The following HERC5 variants were observed in gnomAD, a reference collection of about 807,000 sequenced individuals.
HERC5 encodes the protein HECT and RLD domain containing E3 ubiquitin protein ligase 5, also known as E3 ISG15--protein ligase HERC5.
Under a neutral mutation model 119.6 loss-of-function variants are expected in HERC5, and 99 were observed. The observed-to-expected ratio is 0.83, with a 90% CI of 0.70 to 0.98. The LOEUF (loss-of-function observed/expected upper bound fraction) is 0.98. Among genes scored for constraint, HERC5 ranks in the 50% least tolerant of loss-of-function variants. HERC5 has a pLI of 0.00. For missense variants in HERC5, 1,267 were observed against 1,241.3 expected (o/e 1.02, Z -0.31); for synonymous variants, 478 against 445.9 (o/e 1.07, Z -0.91).
In HERC5 at chr4:88,460,466, G is replaced by A. The variant is rs186027145; in HGVS notation, c.466+295G>A. ...ACTGTTTTCTCTACATCTGATCCAG[G>A]CCTGGGGCCACCCTTTTCCAGAAAC... is the stretch of plus-strand genomic sequence containing the variant. On this transcript the variant is annotated intron_variant, in intron 3 of 22. Transcript: ENST00000264350. 4.0e-3 allele frequency among the ~76,000 whole-genome samples: 608 copies of A among 152,230 alleles called. 1 individual carries two copies. Among genetic ancestry groups the A allele is most frequent in the African/African-American group, 0.014 (594 of 41,512 alleles).
intron 17 of HERC5, among the ~76,000 whole-genome samples, chr4:88,493,659 T>G (rs1039037656): frequency 5.9e-5 from 9 of 152,046 alleles, no homozygotes; most frequent in Non-Finnish European, 1.0e-4. Context: ...CAGGCTGGAG[T>G]ACAGTGCCAT....
At position 88,457,170 on chromosome 4, in the gene HERC5, C is replaced by T. The variant is rs564612502; in HGVS notation, c.-100C>T. ...GCCACGCAGCTGCGCGCAGCTGGTT[C>T]CCGCTCTGCAGCGCAACGCCTGAGG... is the stretch of plus-strand genomic sequence containing the variant. On this transcript the variant is annotated 5_prime_UTR_variant, in exon 1 of 23. Coordinates refer to ENST00000264350, the MANE Select transcript of HERC5 (RefSeq NM_016323.4). 71 of 1,235,882 alleles carry T rather than the reference C, an allele frequency of 5.7e-5. No individual in the cohort carries two copies. The African/African-American group carries it at 8.7e-4, about 15-fold the overall frequency. 76.6% of individuals were successfully genotyped at this position (1,235,882 alleles called of 1,614,324 possible).
chr4:88,493,894 G>A (rs1238654828), intron 17 of HERC5, among the ~76,000 whole-genome samples: 8 of 151,302 alleles, frequency 5.3e-5, no homozygotes, highest in Middle Eastern at 3.4e-3. Flanking sequence ...GATTACAAGC[G>A]TGAGAGTGGC....
At chr4:88,465,415 CTAGCATGAATACT>C (rs1740626725) in intron 6 of HERC5, among the ~76,000 whole-genome samples, 1 of 152,198 alleles carries the variant, frequency 6.6e-6, no homozygotes, top group Admixed American at 6.5e-5. Flanking sequence ...TTATAAAAAA[CTAGCATGAATACT>C]TTCAGTCTGT....
At chr4:88,474,115 C>T (rs1578049195) in intron 11 of HERC5, among the ~76,000 whole-genome samples, 1 of 152,308 alleles carries the variant, frequency 6.6e-6, no homozygotes, top group South Asian at 2.1e-4. Flanking sequence ...ACTCCCTGTG[C>T]TTTAGAAGCT....
At chr4:88,493,343 T>A (rs780262227) in intron 17 of HERC5, among the ~76,000 whole-genome samples, 188 bp downstream of exon 17, 11 of 152,342 alleles carry the variant, frequency 7.2e-5, no homozygotes, top group Non-Finnish European at 1.6e-4. Flanking sequence ...TGGGTTCCCA[T>A]GTCTGTTCAC....
chr4:88,467,148 G>C lies in HERC5; in HGVS notation c.1001G>C (p.Arg334Pro). 6.2e-7 allele frequency: 1 copy of C among 1,614,162 alleles called. No individual in the cohort carries two copies. Among genetic ancestry groups the C allele is most frequent in the Non-Finnish European group, 8.5e-7 (1 of 1,180,018 alleles). Residue 334 changes from arginine (R) to proline (P), a missense_variant, in exon 7 of 23, where the codon CGT (arginine) becomes CCT (proline). Arg to Pro is a moderately radical substitution (Grantham distance 103). Coordinates refer to ENST00000264350, the MANE Select transcript of HERC5 (RefSeq NM_016323.4). ...KDGQLGNGGTRDQLMPLPVKV... is the reference protein window; with the variant it reads ...KDGQLGNGGTPDQLMPLPVKV... ...GGACAACTGGGAAATGGTGGAACACGTGACCAGCTGATGCCGCTTCCAGTG... is the reference window on the plus strand; with the variant it reads ...GGACAACTGGGAAATGGTGGAACACCTGACCAGCTGATGCCGCTTCCAGTG...
Position 88,476,009 on chromosome 4 carries a change from G to C in HERC5, c.1561G>C (p.Asp521His). The change falls in exon 12 of 23, where the codon GAC becomes CAC. Residue 521 changes from aspartate to histidine, a missense_variant. Coordinates refer to ENST00000264350, the MANE Select transcript of HERC5 (RefSeq NM_016323.4). ...PFAKVVCKMS[D>H]QSSLVLEEYW... is the part of the protein sequence containing the mutation. Reference sequence around the variant, plus strand: ...TGCAAAGGTTGTTTGTAAAATGAGTGACCAGTCTTCACTGGTTCTGGGTAA... The same window carrying C: ...TGCAAAGGTTGTTTGTAAAATGAGTCACCAGTCTTCACTGGTTCTGGGTAA... The C allele has an allele frequency of 6.2e-7, 1 of 1,613,726 alleles. No individual in the cohort carries two copies. Among genetic ancestry groups the C allele is most frequent in the Non-Finnish European group, 8.5e-7 (1 of 1,179,920 alleles).
intron 13 of HERC5, among the ~76,000 whole-genome samples, chr4:88,482,396 G>A (rs1473684604): frequency 6.6e-6 from 1 of 151,716 alleles, no homozygotes; most frequent in Non-Finnish European, 1.5e-5. Context: ...CCTTGATTTT[G>A]TCCCCACACC....
chr4:88,487,208 A>G (rs775002121), intron 15 of HERC5, 29 bp downstream of exon 15: 1 of 1,239,218 alleles, frequency 8.1e-7, no homozygotes, highest in Non-Finnish European at 1.2e-6. Flanking sequence ...CTTCATTAGC[A>G]TAAATCACAT....
Position 88,459,418 on chromosome 4 carries a change from T to A in HERC5, c.337T>A (p.Ser113Thr). Residue 113 changes from serine (S) to threonine (T), a missense_variant, in exon 2 of 23, where the codon TCA becomes ACA. Ser to Thr is a moderately conservative substitution (Grantham distance 58). Around this residue, in one of 3 missense-constraint regions of HERC5, gnomAD observed 777 missense variants for 758.0 expected, o/e 1.03. Transcript: ENST00000264350. Reference sequence around the variant, plus strand: ...AGGAGCAGAGCACATGCTGATTCTCTCATCAGATGGAAAACCATTTGAGTA... The same window carrying A: ...AGGAGCAGAGCACATGCTGATTCTCACATCAGATGGAAAACCATTTGAGTA... Reference protein sequence around the residue: ...DQGAEHMLILSSDGKPFEYDN... With the variant: ...DQGAEHMLILTSDGKPFEYDN... 6.3e-7 allele frequency: 1 copy of A among 1,595,758 alleles called. No individual in the cohort carries two copies. The highest frequency in any genetic ancestry group is 1.1e-5 in the South Asian group (1 of 87,460).
At chr4:88,478,344 A>G (rs545170326) in intron 12 of HERC5, among the ~76,000 whole-genome samples, 1 of 152,160 alleles carries the variant, frequency 6.6e-6, no homozygotes, top group Non-Finnish European at 1.5e-5. Flanking sequence ...ACCTTCAACA[A>G]TCTAAGTAAA....
chr4:88,499,793 A>C, intron 18 of HERC5, 133 bp from the exon 19 acceptor site: 1 of 597,444 alleles, frequency 1.7e-6, no homozygotes, highest in Non-Finnish European at 3.0e-6. Context: ...ATCAGTACGC[A>C]GAGAAAGAGG....
intron 13 of HERC5, among the ~76,000 whole-genome samples, chr4:88,482,627 A>C (rs1158185822): frequency 1.3e-5 from 2 of 152,144 alleles, no homozygotes; most frequent in African/African-American, 4.8e-5. Flanking sequence ...TATGCAGCCC[A>C]ATCTAGAAGG....
In HERC5 at chr4:88,487,240, G is replaced by C. The variant is rs935305576; in HGVS notation, c.1962+61G>C. The stretch of plus-strand genomic sequence containing the variant: ...ACATGCTAAGCGCCTTCTTAATCAT[G>C]CAGTATTTTGGGGGTGATAAGAGAA... On this transcript the variant is annotated intron_variant, in intron 15 of 22. Transcript: ENST00000264350. The C allele has an allele frequency of 8.5e-6, 8 of 936,338 alleles. No individual in the cohort carries two copies. The African/African-American group carries it at 1.3e-4, about 15-fold the overall frequency. The allele number at this position is 936,338 out of a possible 1,614,324, so 58.0% of individuals were successfully genotyped here.
chr4:88,488,324 TGGGTTCAAGC>T (rs1162710822), intron 15 of HERC5, among the ~76,000 whole-genome samples: 2 of 151,302 alleles, frequency 1.3e-5, no homozygotes, highest in Non-Finnish European at 2.9e-5. Flanking sequence ...CTCCACTTCC[TGGGTTCAAGC>T]GATTCTCCTG....
At chr4:88,500,087 A>T (rs996914159) in intron 19 of HERC5, 95 bp downstream of exon 19, 2 of 760,714 alleles carry the variant, frequency 2.6e-6, no homozygotes, top group Non-Finnish European at 4.3e-6. Flanking sequence ...TAAAAAAAAA[A>T]CCTGAATAAA....
chr4:88,499,825 T>G, intron 18 of HERC5, 101 bp from the exon 19 acceptor site: 2 of 800,938 alleles, frequency 2.5e-6, no homozygotes, highest in South Asian at 1.5e-5. Context: ...ATACCTGACC[T>G]CATACCTTCA....
At position 88,470,989 on chromosome 4, in the gene HERC5, G is replaced by C. The variant is rs180942717; in HGVS notation, c.1298+316G>C. Among the ~76,000 whole-genome samples, 13 of 148,340 alleles carry C rather than the reference G, an allele frequency of 8.8e-5. No homozygotes were observed. The East Asian group carries it at 2.6e-3, about 29-fold the overall frequency. On this transcript the variant is annotated intron_variant, in intron 10 of 22. Transcript: ENST00000264350. ...TTTGTTTTTTTCTTTTTTTTTTTGAGACAGGGTCTTGCCCTGTCGTTGCCC... is the reference window on the plus strand; with the variant it reads ...TTTGTTTTTTTCTTTTTTTTTTTGACACAGGGTCTTGCCCTGTCGTTGCCC...
Sources: gnomAD v4.1 joint callset for allele counts (sites outside exome capture counted in the v4.1 genomes callset) on GRCh38, gnomAD v4.1.1 for gene constraint, gnomAD v4.1.1 regional missense constraint, MANE v1.5 for transcripts, NCBI Gene and HGNC (gene_info 2026-07-23, HGNC 2026-07-21) for gene names.